Variants in AKAP7 observed in about 807,000 individuals in gnomAD.
AKAP7 encodes A-kinase anchoring protein 7.
A neutral mutation model predicts 39.5 loss-of-function variants in AKAP7; 39 were observed. That is an observed-to-expected ratio of 0.99 (90% CI 0.76 to 1.29). AKAP7 has a LOEUF of 1.29. Among genes scored for constraint, AKAP7 ranks in the 50% most tolerant of loss-of-function variants. The pLI is 0.00. For synonymous variants in AKAP7, 140 were observed against 139.1 expected (o/e 1.01, Z -0.05); for missense variants, 414 against 407.7 (o/e 1.02, Z -0.13).
chr6:131,135,802 CG>C lies in AKAP7; in HGVS notation c.19+23del. On this transcript the variant is annotated intron_variant, in intron 1 of 7. Coordinates refer to ENST00000431975, the MANE Select transcript of AKAP7 (RefSeq NM_016377.4). ...AAGCGGGTGAGACCGGGCTGTCCAG[CG>C]GGCCGGGGCGGGGGCGACAGGAGCC... The C allele has an allele frequency of 1.6e-6, 2 of 1,226,920 alleles. No homozygotes were observed. The highest frequency in any genetic ancestry group is 2.0e-6 in the Non-Finnish European group (2 of 984,948). The allele number at this position is 1,226,920 out of a possible 1,614,324, so 76.0% of individuals were successfully genotyped here.
intron 7 of AKAP7, among the ~76,000 whole-genome samples, chr6:131,232,408 C>A (rs1810698430): frequency 6.6e-6 from 1 of 152,138 alleles, no homozygotes; most frequent in Admixed American, 6.5e-5. Flanking sequence ...TTAATAGTTG[C>A]CAAAAGTTAT....
At chr6:131,266,189 C>T (rs1048893712) in intron 7 of AKAP7, among the ~76,000 whole-genome samples, 8 of 152,154 alleles carry the variant, frequency 5.3e-5, no homozygotes, top group South Asian at 4.1e-4. Context: ...TTCTAATCAT[C>T]GCCTCGGTTC....
chr6:131,157,743 A>G (rs1014504688), intron 2 of AKAP7, among the ~76,000 whole-genome samples: 1 of 152,232 alleles, frequency 6.6e-6, no homozygotes, highest in African/African-American at 2.4e-5. Flanking sequence ...TGATAAGGTT[A>G]GGTGTGTAAA....
At chr6:131,241,883 T>C (rs1295949615) in intron 7 of AKAP7, among the ~76,000 whole-genome samples, 1 of 152,118 alleles carries the variant, frequency 6.6e-6, no homozygotes, top group African/African-American at 2.4e-5. Context: ...CTGTGGAACA[T>C]CAGTAGCCTA....
At chr6:131,280,605 C>A (rs1366993477) in intron 7 of AKAP7, among the ~76,000 whole-genome samples, 4 of 152,210 alleles carry the variant, frequency 2.6e-5, no homozygotes, top group Non-Finnish European at 5.9e-5. Context: ...AATGTGCGAG[C>A]ATCCTGTGAC....
At chr6:131,191,745 G>A (rs1387426125) in intron 5 of AKAP7, among the ~76,000 whole-genome samples, 1 of 152,084 alleles carries the variant, frequency 6.6e-6, no homozygotes, top group East Asian at 1.9e-4. Context: ...TGCTCACTGG[G>A]GTGCTGGTAC....
chr6:131,235,205 G>A (rs1321936796), intron 7 of AKAP7, among the ~76,000 whole-genome samples: 1 of 152,078 alleles, frequency 6.6e-6, no homozygotes, highest in African/African-American at 2.4e-5. Flanking sequence ...ATGGTTTCCA[G>A]CTTCATCCAT....
chr6:131,143,618 A>G (rs2128226211), intron 1 of AKAP7, among the ~76,000 whole-genome samples: 1 of 152,280 alleles, frequency 6.6e-6, no homozygotes, highest in African/African-American at 2.4e-5. Context: ...ATGGACTAAT[A>G]CAACAGGGGT....
intron 5 of AKAP7, among the ~76,000 whole-genome samples, chr6:131,173,218 A>G (rs1426284501): frequency 6.6e-6 from 1 of 150,460 alleles, no homozygotes; most frequent in African/African-American, 2.4e-5. Flanking sequence ...AAAAAAAAAG[A>G]AAAAAGAAAA....
Position 131,192,342 on chromosome 6 carries a change from G to A in AKAP7, c.590-7119G>A, listed in dbSNP as rs74425461. 8.2e-3 allele frequency among the ~76,000 whole-genome samples: 1,253 copies of A among 152,184 alleles called. 21 individuals carry two copies. The highest frequency in any genetic ancestry group is 0.029 in the African/African-American group (1,198 of 41,506). The stretch of plus-strand genomic sequence containing the variant: ...TTTTCCCAGCCCATTTATTGAAAAA[G>A]CTGTCTTTTCTGCATTGTATGCTCT... On this transcript the variant is annotated intron_variant, in intron 5 of 7. Transcript: ENST00000431975.
In AKAP7 at chr6:131,181,994, T is replaced by C. The variant is rs576260012; in HGVS notation, c.589+12721T>C. On this transcript the variant is annotated intron_variant, in intron 5 of 7. Coordinates refer to ENST00000431975, the MANE Select transcript of AKAP7 (RefSeq NM_016377.4). Reference sequence around the variant, plus strand: ...CAAAAACATTAGCCAGGCATGGTGGTGGGTACCTGTGATCTCACCTGCTCA... The same window carrying C: ...CAAAAACATTAGCCAGGCATGGTGGCGGGTACCTGTGATCTCACCTGCTCA... Among the ~76,000 whole-genome samples the C allele has an allele frequency of 2.0e-5, 3 of 152,040 alleles. No homozygotes were observed. In the East Asian group the frequency reaches 5.8e-4, roughly 29 times the overall value.
At chr6:131,160,895 C>T (rs969974100) in intron 3 of AKAP7, among the ~76,000 whole-genome samples, 2 of 152,176 alleles carry the variant, frequency 1.3e-5, no homozygotes, top group South Asian at 2.1e-4. Context: ...GAGAAAACTA[C>T]TGCATCTCAT....
chr6:131,176,120 A>T (rs1371538581), intron 5 of AKAP7, among the ~76,000 whole-genome samples: 1 of 152,120 alleles, frequency 6.6e-6, no homozygotes, highest in African/African-American at 2.4e-5. Context: ...TGCTGTTACT[A>T]ACAGTTATTT....
intron 7 of AKAP7, among the ~76,000 whole-genome samples, chr6:131,267,514 TTG>T (rs1445349646): frequency 1.3e-5 from 2 of 152,194 alleles, no homozygotes; most frequent in Admixed American, 6.5e-5. Flanking sequence ...TGAGAAATAG[TTG>T]ATATGCAGAC....
At chr6:131,280,691 C>T (rs1815129160) in intron 7 of AKAP7, among the ~76,000 whole-genome samples, 1 of 152,200 alleles carries the variant, frequency 6.6e-6, no homozygotes, top group Admixed American at 6.5e-5. Context: ...TGGTCACTCT[C>T]TTCTTTGTCT....
chr6:131,143,951 G>T (rs1387609582), intron 1 of AKAP7, among the ~76,000 whole-genome samples: 2 of 138,232 alleles, frequency 1.4e-5, no homozygotes, highest in African/African-American at 2.7e-5. Flanking sequence ...AGATTAGGGA[G>T]TGGTGATGAC....
In AKAP7 at chr6:131,220,493, C is replaced by G. The variant is rs188831514; in HGVS notation, c.850+685C>G. On this transcript the variant is annotated intron_variant, in intron 7 of 7. Coordinates refer to ENST00000431975, the MANE Select transcript of AKAP7 (RefSeq NM_016377.4). ...TTCAGATTTATTATTTCAAACCAGA[C>G]ACTATTCTTTTAAAACTGTGAACTT... is the stretch of plus-strand genomic sequence containing the variant. Among the ~76,000 whole-genome samples, 26 of 152,274 alleles carry G rather than the reference C, an allele frequency of 1.7e-4. 1 individual carries two copies. The highest frequency in any genetic ancestry group is 5.3e-4 in the African/African-American group (22 of 41,550).
chr6:131,219,871 C>T, intron 7 of AKAP7, 63 bp downstream of exon 7: 2 of 1,157,410 alleles, frequency 1.7e-6, no homozygotes, highest in Non-Finnish European at 2.3e-6. Context: ...TCACTTTTAT[C>T]TTGGCAAATA....
At chr6:131,250,970 CTTTA>C (rs893250345) in intron 7 of AKAP7, among the ~76,000 whole-genome samples, 3 of 152,182 alleles carry the variant, frequency 2.0e-5, no homozygotes, top group African/African-American at 4.8e-5. Flanking sequence ...ACAAGCCAGA[CTTTA>C]TTTTTCTTAT....
Sources: allele counts gnomAD v4.1 joint callset (sites outside exome capture counted in the v4.1 genomes callset), GRCh38; gene constraint gnomAD v4.1.1; transcripts MANE v1.5; gene names NCBI Gene and HGNC (gene_info 2026-07-23, HGNC 2026-07-21).